Variants in SPATA17 observed in about 807,000 individuals in gnomAD.
The protein encoded by SPATA17 is spermatogenesis-associated protein 17.
SPATA17 carries 53 observed loss-of-function variants against 62.2 expected under a neutral mutation model. That is an observed-to-expected ratio of 0.85 (90% CI 0.68 to 1.07). SPATA17 has a LOEUF of 1.07. Among genes scored for constraint, SPATA17 ranks in the 50% least tolerant of loss-of-function variants. SPATA17 has a pLI of 0.00. For synonymous variants in SPATA17, 146 were observed against 146.8 expected, an observed-to-expected ratio of 0.99 and a Z score of 0.04; for missense variants, 466 against 425.5, an observed-to-expected ratio of 1.10 and a Z score of -0.84.
chr1:217,852,683 C>CA (rs1675693823), intron 9 of SPATA17, among the ~76,000 whole-genome samples: 1 of 152,036 alleles, frequency 6.6e-6, no homozygotes, highest in Non-Finnish European at 1.5e-5. Context: ...CTTTCCCCCC[C>CA]AAAAAATCAT....
At chr1:217,702,097 G>T (rs145878526) in intron 5 of SPATA17, among the ~76,000 whole-genome samples, 2 of 151,354 alleles carry the variant, frequency 1.3e-5, no homozygotes, top group Admixed American at 6.6e-5. Context: ...CAAAAATAAC[G>T]TAATAATGCT....
At chr1:217,833,438 A>C (rs1366885456) in intron 9 of SPATA17, among the ~76,000 whole-genome samples, 2 of 152,184 alleles carry the variant, frequency 1.3e-5, no homozygotes, top group African/African-American at 4.8e-5. Flanking sequence ...AAGTCAGATA[A>C]ATCAGATATT....
At position 217,863,119 on chromosome 1, in the gene SPATA17, C is replaced by CTT. The variant is rs35673625; in HGVS notation, c.*2+283_*2+284dup. Among the ~76,000 whole-genome samples the CTT allele has an allele frequency of 2.2e-3, 244 of 111,822 alleles. 3 individuals carry two copies. Among genetic ancestry groups the CTT allele is most frequent in the Non-Finnish European group, 3.1e-3 (171 of 55,614 alleles). The allele number at this position is 111,822 out of a possible 152,430, so 73.4% of individuals were successfully genotyped here. Reference sequence around the variant, plus strand: ...ACATTAAAAATCTAAAATACTCTTTCTTTTTTTTTTTTTTTTTTTTTGAGA... The same window carrying CTT: ...ACATTAAAAATCTAAAATACTCTTTCTTTTTTTTTTTTTTTTTTTTTTTGAGA... On this transcript the variant is annotated intron_variant, in intron 10 of 10. Transcript: ENST00000366933.
At chr1:217,709,775 A>G (rs1671815842) in intron 5 of SPATA17, among the ~76,000 whole-genome samples, 1 of 152,184 alleles carries the variant, frequency 6.6e-6, no homozygotes, top group Admixed American at 6.5e-5. Context: ...GTTGATTTTC[A>G]GCATTTTGCC....
chr1:217,780,833 A>G (rs1357421087), intron 7 of SPATA17, among the ~76,000 whole-genome samples: 1 of 152,198 alleles, frequency 6.6e-6, no homozygotes, highest in Non-Finnish European at 1.5e-5. Context: ...TCTGTGATGT[A>G]GTTATTCCAT....
At chr1:217,756,320 G>T (rs1673041113) in intron 6 of SPATA17, among the ~76,000 whole-genome samples, 1 of 114,784 alleles carries the variant, frequency 8.7e-6, no homozygotes, top group Non-Finnish European at 2.2e-5. Flanking sequence ...TATATTTTTT[G>T]TGGTTTTTTT....
chr1:217,863,857 G>A (rs576696015), intron 10 of SPATA17, among the ~76,000 whole-genome samples: 1 of 152,262 alleles, frequency 6.6e-6, no homozygotes, highest in African/African-American at 2.4e-5. Context: ...GGGCAGAAAT[G>A]AGAAATCATG....
rs534611603 is a variant in SPATA17, at chr1:217,725,015, T to C, written c.396-16960T>C. On this transcript the variant is annotated intron_variant, in intron 5 of 10. Coordinates refer to ENST00000366933, the MANE Select transcript of SPATA17 (RefSeq NM_138796.4). ...TATATGGTTATATTTACCAATAATT[T>C]CTTTTATAATTTCTTCTTTGCATGA... is the stretch of plus-strand genomic sequence containing the variant. 6.6e-4 allele frequency among the ~76,000 whole-genome samples: 100 copies of C among 152,324 alleles called. 5 individuals carry two copies. The South Asian group carries it at 0.02, about 31-fold the overall frequency.
chr1:217,747,325 T>G (rs1399652038), intron 6 of SPATA17, among the ~76,000 whole-genome samples: 3 of 152,164 alleles, frequency 2.0e-5, no homozygotes, highest in African/African-American at 7.2e-5. Context: ...TTTCATTCCC[T>G]TGCCCTTGTT....
In SPATA17 at chr1:217,663,129, T is replaced by A. The variant is rs554696839; in HGVS notation, c.241-5904T>A. ...ATAATTGGCTTTTAATTCTTTTTTA[T>A]GGAAAAAATGATATTTTAAAAATGA... On this transcript the variant is annotated intron_variant, in intron 3 of 10. Transcript: ENST00000366933. 2.6e-3 allele frequency among the ~76,000 whole-genome samples: 390 copies of A among 152,210 alleles called. 3 individuals are homozygous for A. Among genetic ancestry groups the A allele is most frequent in the South Asian group, 0.022 (105 of 4,824 alleles).
chr1:217,795,056 C>G lies in SPATA17; in HGVS notation c.873-6662C>G, dbSNP rs547780624. ...CTTGTATTTTCTTTTGTTGTTCTTA[C>G]TATGAACATGATTTTCCAAATTATG... On this transcript the variant is annotated intron_variant, in intron 8 of 10. Coordinates refer to ENST00000366933, the MANE Select transcript of SPATA17 (RefSeq NM_138796.4). 6.6e-5 allele frequency among the ~76,000 whole-genome samples: 10 copies of G among 152,210 alleles called. No homozygotes were observed. The South Asian group carries it at 2.1e-3, about 32-fold the overall frequency.
At chr1:217,712,318 G>T (rs1199218588) in intron 5 of SPATA17, among the ~76,000 whole-genome samples, 3 of 151,808 alleles carry the variant, frequency 2.0e-5, no homozygotes, top group African/African-American at 7.3e-5. Flanking sequence ...TGGAGACAGG[G>T]TTTCTCCATG....
intron 4 of SPATA17, among the ~76,000 whole-genome samples, chr1:217,673,567 C>T (rs573866582): frequency 3.9e-5 from 6 of 152,218 alleles, no homozygotes; most frequent in Admixed American, 1.3e-4. Context: ...TTTCTTTGAA[C>T]AGCTGTTAAT....
intron 6 of SPATA17, 34 bp downstream of exon 6, chr1:217,742,132 C>T (rs753332857): frequency 6.2e-7 from 1 of 1,611,008 alleles, no homozygotes. Context: ...CTCCTGTAAG[C>T]CACTTGGGCC....
At chr1:217,747,528 T>A (rs553671977) in intron 6 of SPATA17, among the ~76,000 whole-genome samples, 1 of 152,162 alleles carries the variant, frequency 6.6e-6, no homozygotes, top group Non-Finnish European at 1.5e-5. Context: ...GAAATATTGG[T>A]TATTATATAG....
intron 4 of SPATA17, among the ~76,000 whole-genome samples, chr1:217,677,756 T>C (rs542662293): frequency 6.6e-6 from 1 of 151,726 alleles, no homozygotes; most frequent in African/African-American, 2.4e-5. Context: ...AATAGATTTG[T>C]AGAGAAAGGA....
At chr1:217,671,841 A>G (rs1670837844) in intron 4 of SPATA17, among the ~76,000 whole-genome samples, 1 of 152,240 alleles carries the variant, frequency 6.6e-6, no homozygotes, top group African/African-American at 2.4e-5. Context: ...AATTTATAAT[A>G]GAGACATTTC....
intron 5 of SPATA17, among the ~76,000 whole-genome samples, chr1:217,719,961 C>T (rs10495073): frequency 0.25 from 38,444 of 152,020 alleles, 5,304 homozygotes; most frequent in African/African-American, 0.35. Context: ...GGGCTGGAAT[C>T]GATAAGCAAG....
intron 9 of SPATA17, among the ~76,000 whole-genome samples, chr1:217,850,989 G>A (rs1430443400): frequency 6.6e-6 from 1 of 152,144 alleles, no homozygotes; most frequent in Non-Finnish European, 1.5e-5. Context: ...AGGATTTCCT[G>A]GAGGAAGTAG....
Sources: gnomAD v4.1 joint callset for allele counts (sites outside exome capture counted in the v4.1 genomes callset) on GRCh38, gnomAD v4.1.1 for gene constraint, MANE v1.5 for transcripts, NCBI Gene and HGNC (gene_info 2026-07-23, HGNC 2026-07-21) for gene names.